The following NPSR1 variants were observed in gnomAD, a reference collection of about 807,000 sequenced individuals.
The protein encoded by NPSR1 is neuropeptide S receptor.
NPSR1 carries 48 observed loss-of-function variants against 46.9 expected under a neutral mutation model. That is an observed-to-expected ratio of 1.02 (90% confidence interval 0.81 to 1.30). The LOEUF (loss-of-function observed/expected upper bound fraction) is 1.30, where lower values mean the gene tolerates loss of function less well. NPSR1 is among the 50% of genes most tolerant of loss of function. NPSR1 has a pLI of 0.00. For synonymous variants in NPSR1, 176 were observed against 168.1 expected, an observed-to-expected ratio of 1.05 and a Z score of -0.36; for missense variants, 450 against 449.5, an observed-to-expected ratio of 1.00 and a Z score of -0.01.
chr7:34,774,376 A>G (rs767946459), intron 2 of NPSR1, among the ~76,000 whole-genome samples: 3 of 152,184 alleles, frequency 2.0e-5, no homozygotes, highest in Admixed American at 2.0e-4. Context: ...CAGCCTCTTC[A>G]TGCCAGTCTA....
At chr7:34,788,578 C>T (rs325478) in intron 3 of NPSR1, among the ~76,000 whole-genome samples, 42,422 of 151,758 alleles carry the variant, frequency 0.28, 6,005 homozygotes, top group African/African-American at 0.33. Flanking sequence ...AAGGTCATTG[C>T]ATAATAATAA....
intron 2 of NPSR1, among the ~76,000 whole-genome samples, chr7:34,771,939 G>T (rs905442135): frequency 2.0e-5 from 3 of 152,070 alleles, no homozygotes; most frequent in African/African-American, 7.2e-5. Flanking sequence ...TCAGGTTAAG[G>T]GTAGTAATTC....
intron 3 of NPSR1, among the ~76,000 whole-genome samples, chr7:34,793,930 AC>A (rs1788053738): frequency 6.6e-6 from 1 of 152,222 alleles, no homozygotes; most frequent in Non-Finnish European, 1.5e-5. Context: ...ACATAGATGA[AC>A]CTGGAGAACA....
rs1018290582 is a variant in NPSR1 at position 34,704,785 on chromosome 7, G to A, written c.280+20101G>A. Among the ~76,000 whole-genome samples, 6 of 152,170 alleles carry A rather than the reference G, an allele frequency of 3.9e-5. 1 individual carries two copies. Among genetic ancestry groups the A allele is most frequent in the Non-Finnish European group, 7.3e-5 (5 of 68,030 alleles). ...TTGACCTGAAGCACAGCATCTTATCGGATTGCTTAAGGGTGCATATTTACC... is the reference window on the plus strand; with the variant it reads ...TTGACCTGAAGCACAGCATCTTATCAGATTGCTTAAGGGTGCATATTTACC... On this transcript the variant is annotated intron_variant, in intron 2 of 8. Transcript: ENST00000360581.
At chr7:34,856,914 G>A (rs576873046) in intron 8 of NPSR1, among the ~76,000 whole-genome samples, 1 of 151,640 alleles carries the variant, frequency 6.6e-6, no homozygotes, top group South Asian at 2.1e-4. Flanking sequence ...TGTAGATGGG[G>A]GGGGAAATCT....
chr7:34,795,067 A>T (rs1212920181), intron 3 of NPSR1, among the ~76,000 whole-genome samples: 3 of 152,054 alleles, frequency 2.0e-5, no homozygotes, highest in Non-Finnish European at 4.4e-5. Context: ...ATTATACACC[A>T]CAAACAAGTA....
chr7:34,760,274 T>C (rs933042252), intron 2 of NPSR1, among the ~76,000 whole-genome samples: 5 of 152,232 alleles, frequency 3.3e-5, no homozygotes, highest in African/African-American at 1.2e-4. Flanking sequence ...CTCTGTCTAG[T>C]TATTGGCCCT....
intron 3 of NPSR1, among the ~76,000 whole-genome samples, chr7:34,795,968 A>G (rs1049913598): frequency 6.6e-6 from 1 of 152,152 alleles, no homozygotes; most frequent in African/African-American, 2.4e-5. Context: ...GTGAAGAACA[A>G]ATTTGAAGGA....
intron 2 of NPSR1, among the ~76,000 whole-genome samples, chr7:34,769,912 G>A (rs1455067668): frequency 1.3e-5 from 2 of 152,156 alleles, no homozygotes; most frequent in East Asian, 1.9e-4. Flanking sequence ...TGTTCCCAAG[G>A]TCTTGTTAAT....
At chr7:34,834,099 A>T in intron 5 of NPSR1, 1 of 422,512 alleles carries the variant, frequency 2.4e-6, no homozygotes, top group Non-Finnish European at 4.2e-6. Flanking sequence ...CTGTTTTTGG[A>T]TTCTAATCAC....
intron 2 of NPSR1, among the ~76,000 whole-genome samples, chr7:34,760,763 G>C (rs1786132285): frequency 6.6e-6 from 1 of 152,166 alleles, no homozygotes; most frequent in Non-Finnish European, 1.5e-5. Context: ...GAAATGCACA[G>C]CAAGATGTTT....
intron 7 of NPSR1, among the ~76,000 whole-genome samples, chr7:34,846,667 A>T (rs950795358): frequency 2.0e-5 from 3 of 152,318 alleles, no homozygotes; most frequent in East Asian, 1.9e-4. Flanking sequence ...ACATAAAAAA[A>T]TGTAAGCGGT....
chr7:34,721,890 C>A (rs943943046), intron 2 of NPSR1, among the ~76,000 whole-genome samples: 7 of 152,006 alleles, frequency 4.6e-5, no homozygotes, highest in Non-Finnish European at 7.4e-5. Context: ...TATAGAAATT[C>A]TGAAATTATT....
At chr7:34,875,555 G>A (rs1373680244) in intron 8 of NPSR1, among the ~76,000 whole-genome samples, 2 of 152,150 alleles carry the variant, frequency 1.3e-5, no homozygotes, top group East Asian at 3.9e-4. Context: ...GATTGGCCTA[G>A]AGATCCCCAA....
chr7:34,745,519 T>A (rs1382869158), intron 2 of NPSR1, among the ~76,000 whole-genome samples: 1 of 152,188 alleles, frequency 6.6e-6, no homozygotes, highest in South Asian at 2.1e-4. Context: ...ATATATTATC[T>A]ATTAATTTAT....
At position 34,848,482 on chromosome 7, in the gene NPSR1, G is replaced by C; in HGVS notation, c.845-1G>C. On this transcript the variant is annotated splice_acceptor_variant, in intron 7 of 8. Coordinates refer to ENST00000360581, the MANE Select transcript of NPSR1 (RefSeq NM_207172.2). LOFTEE classifies it high-confidence loss of function. ...ATGCTAATGGCTCTCTTCTCCCCCA[G>C]CCTTCATCTGCTGTTGGAGTCCATA... is the stretch of plus-strand genomic sequence containing the variant. 1.2e-6 allele frequency: 2 copies of C among 1,613,824 alleles called. No homozygotes were observed. The highest frequency in any genetic ancestry group is 2.2e-5 in the South Asian group (2 of 91,028).
At chr7:34,809,620 C>G (rs562787482) in intron 3 of NPSR1, among the ~76,000 whole-genome samples, 247 of 152,100 alleles carry the variant, frequency 1.6e-3, no homozygotes, top group African/African-American at 5.6e-3. Flanking sequence ...CCCGCCACTA[C>G]GCCCGGCTAA....
rs953818503 is a variant in NPSR1, at chr7:34,669,056, A to T, written c.147+10497A>T. On this transcript the variant is annotated intron_variant, in intron 1 of 8. Transcript: ENST00000360581. ...AATAGTTAATAATCCAAAAACTTTT[A>T]CCCAGATATTGGTTAAAATTATAAC... Among the ~76,000 whole-genome samples the T allele has an allele frequency of 4.3e-4, 66 of 152,190 alleles. 1 individual carries two copies. The highest frequency in any genetic ancestry group is 2.1e-4 in the Non-Finnish European group (14 of 68,026).
At chr7:34,835,599 CCAAGAGGATGCA>C (rs1341795736) in intron 6 of NPSR1, among the ~76,000 whole-genome samples, 2 of 152,100 alleles carry the variant, frequency 1.3e-5, no homozygotes, top group East Asian at 3.9e-4. Context: ...TGTGAGGCCA[CCAAGAGGATGCA>C]CAAGTATTAT....
Sources: allele counts gnomAD v4.1 joint callset (sites outside exome capture counted in the v4.1 genomes callset), GRCh38; gene constraint gnomAD v4.1.1; transcripts MANE v1.5; gene names NCBI Gene and HGNC (gene_info 2026-07-23, HGNC 2026-07-21).